The following ICE1 variants were observed in gnomAD, a reference collection of about 807,000 sequenced individuals.
ICE1 encodes the protein interactor of little elongation complex ELL subunit 1, also known as little elongation complex subunit 1.
In ICE1, 64 loss-of-function variants were observed where a neutral mutation model predicts 192.7. That is an observed-to-expected ratio of 0.33 (90% CI 0.27 to 0.41). The LOEUF (loss-of-function observed/expected upper bound fraction) is 0.41, where lower values mean the gene tolerates loss of function less well. Ranked by LOEUF, ICE1 falls within the 10% of genes least tolerant of loss-of-function variation. The probability of loss-of-function intolerance (pLI) is 1.00; values close to 1 mark genes in which losing one functional copy is unlikely to be tolerated. For missense variants in ICE1, 2,708 were observed against 2,696.0 expected, an observed-to-expected ratio of 1.00 and a Z score of -0.10; for synonymous variants, 1,010 against 984.5, an observed-to-expected ratio of 1.03 and a Z score of -0.49.
chr5:5,488,936 G>C (rs906776486), intron 18 of ICE1, among the ~76,000 whole-genome samples: 6 of 152,122 alleles, frequency 3.9e-5, no homozygotes, highest in Admixed American at 2.0e-4. Context: ...GCTGGGGCCA[G>C]GAAACTACAG....
rs141543804 is a variant in ICE1 at position 5,476,152 on chromosome 5, A to G, written c.6520+73A>G. 30 of 755,302 alleles carry G rather than the reference A, an allele frequency of 4.0e-5. No individual in the cohort carries two copies. In the South Asian group the frequency reaches 4.0e-4, roughly 10 times the overall value. 46.8% of individuals were successfully genotyped at this position (755,302 alleles called of 1,614,324 possible). On this transcript the variant is annotated intron_variant, in intron 17 of 18. Coordinates refer to ENST00000296564, the MANE Select transcript of ICE1 (RefSeq NM_015325.3). The stretch of plus-strand genomic sequence containing the variant: ...GGTGGAAGGCTGGGGGGTTAACTGT[A>G]TAATAAAATATGCTGACTTTGAAAA...
chr5:5,480,050 A>G (rs573972892), intron 17 of ICE1, among the ~76,000 whole-genome samples: 61 of 152,252 alleles, frequency 4.0e-4, no homozygotes, highest in African/African-American at 1.2e-3. Flanking sequence ...TACCTATGTA[A>G]CAAACCTGTA....
intron 14 of ICE1, among the ~76,000 whole-genome samples, chr5:5,468,109 C>T (rs1382365171): frequency 2.0e-5 from 3 of 152,180 alleles, no homozygotes; most frequent in Non-Finnish European, 2.9e-5. Context: ...TGCAACAACA[C>T]GGATGAATGT....
chr5:5,481,528 G>A (rs538538142), intron 17 of ICE1, among the ~76,000 whole-genome samples: 1 of 152,290 alleles, frequency 6.6e-6, no homozygotes, highest in South Asian at 2.1e-4. Context: ...CAAATTGCCA[G>A]AGAAGCTTCT....
At chr5:5,480,158 A>G (rs1242065253) in intron 17 of ICE1, among the ~76,000 whole-genome samples, 2 of 152,198 alleles carry the variant, frequency 1.3e-5, no homozygotes, top group Non-Finnish European at 1.5e-5. Flanking sequence ...CCTGGGGAAT[A>G]TAAAACAAGC....
rs1446329919 is a variant in ICE1, at chr5:5,486,827, T to C, written c.6619+8T>C. 86 of 1,561,074 alleles carry C rather than the reference T, an allele frequency of 5.5e-5. No individual in the cohort carries two copies. The highest frequency in any genetic ancestry group is 7.5e-5 in the Non-Finnish European group (86 of 1,145,868). ...AGCATGCTCACGATGAAGGTAAAAC[T>C]TACATCTATTAAAATTACTTTTAAG... On this transcript the variant is annotated splice_region_variant and intron_variant, in intron 18 of 18. Transcript: ENST00000296564.
intron 15 of ICE1, among the ~76,000 whole-genome samples, chr5:5,469,459 T>C (rs1004383124): frequency 6.6e-6 from 1 of 152,204 alleles, no homozygotes; most frequent in East Asian, 1.9e-4. Flanking sequence ...TTTTCAGTTA[T>C]TGATATGTTA....
chr5:5,472,830 T>G (rs1739201002), intron 15 of ICE1, among the ~76,000 whole-genome samples: 1 of 152,214 alleles, frequency 6.6e-6, no homozygotes, highest in Non-Finnish European at 1.5e-5. Context: ...GCATGACTAC[T>G]TTGCAAAATT....
In ICE1 at chr5:5,464,266, A is replaced by G. The variant is rs1481609884; in HGVS notation, c.4932A>G (p.Pro1644=). 2 of 1,613,392 alleles carry G rather than the reference A, an allele frequency of 1.2e-6. No individual in the cohort carries two copies. The highest frequency in any genetic ancestry group is 3.3e-5 in the Admixed American group (2 of 59,954). Residue 1644 remains proline, a synonymous_variant, in exon 13 of 19, where the codon CCA becomes CCG. Transcript: ENST00000296564. This position sits in a 1 kb window ranked among gnomAD's most constrained non-coding sequence, Gnocchi z 4.0. ...PLLAPLIATP[P]RTSQPLSPLI... ...TTGCTCCTCTGATAGCTACACCTCCAAGGACTTCACAGCCACTGTCTCCAC... is the reference window on the plus strand; with the variant it reads ...TTGCTCCTCTGATAGCTACACCTCCGAGGACTTCACAGCCACTGTCTCCAC...
At chr5:5,458,099 G>A (rs182357134) in intron 12 of ICE1, among the ~76,000 whole-genome samples, 5 of 152,290 alleles carry the variant, frequency 3.3e-5, no homozygotes, top group Admixed American at 3.3e-4. Flanking sequence ...GAAAATCCAT[G>A]TATATAGCAT....
chr5:5,474,939 C>T (rs1277245058), intron 16 of ICE1, among the ~76,000 whole-genome samples: 1 of 152,304 alleles, frequency 6.6e-6, no homozygotes, highest in East Asian at 1.9e-4. Context: ...TATATTAAAA[C>T]ACATAGCTAT....
At chr5:5,473,491 G>A in intron 15 of ICE1, 67 bp from the exon 16 acceptor site, 14 of 1,351,938 alleles carry the variant, frequency 1.0e-5, no homozygotes, top group Non-Finnish European at 1.4e-5. Flanking sequence ...TAGTCTTTTA[G>A]ATAACTAAGG....
intron 10 of ICE1, among the ~76,000 whole-genome samples, chr5:5,452,775 T>C (rs890554481): frequency 1.3e-5 from 2 of 152,142 alleles, no homozygotes; most frequent in Admixed American, 6.6e-5. Context: ...TAAAGAAGTG[T>C]GGTATGGATA....
At chr5:5,450,541 A>G (rs1017920218) in intron 10 of ICE1, among the ~76,000 whole-genome samples, 1 of 152,196 alleles carries the variant, frequency 6.6e-6, no homozygotes, top group African/African-American at 2.4e-5. Context: ...TTTCCTGAGC[A>G]GAGAACACAT....
chr5:5,480,474 T>G (rs756760340), intron 17 of ICE1, among the ~76,000 whole-genome samples: 12 of 152,222 alleles, frequency 7.9e-5, no homozygotes, highest in Non-Finnish European at 1.2e-4. Context: ...GGTCTCGATC[T>G]CCTGACCTCG....
chr5:5,470,135 G>T (rs1159050694), intron 15 of ICE1, among the ~76,000 whole-genome samples: 2 of 152,052 alleles, frequency 1.3e-5, no homozygotes, highest in Non-Finnish European at 2.9e-5. Context: ...AGAGTTAACT[G>T]TTCCCAGAGG....
chr5:5,440,594 TATAATA>T (rs1738014514), intron 4 of ICE1, among the ~76,000 whole-genome samples: 1 of 152,210 alleles, frequency 6.6e-6, no homozygotes, highest in South Asian at 2.1e-4. Context: ...GAGGCCAAAT[TATAATA>T]GTAATAGTAC....
chr5:5,464,728 G>A lies in ICE1; in HGVS notation c.5394G>A (p.Thr1798=), dbSNP rs371200707. The change falls in exon 13 of 19, where the codon ACG becomes ACA. Residue 1798 remains threonine, a synonymous_variant. Coordinates refer to ENST00000296564, the MANE Select transcript of ICE1 (RefSeq NM_015325.3). The surrounding 1 kb of genome is among the most constrained non-coding windows in gnomAD (Gnocchi z 4.0). ...CCAGTGCTATGATAGGATTCAAAAC[G>A]ATCACTTCAGCAGCAACTGCTTTTG... ...GPASAMIGFK[T]ITSAATAFVK... 7.4e-6 allele frequency: 12 copies of A among 1,613,776 alleles called. No homozygotes were observed. The African/African-American group carries it at 1.2e-4, about 16-fold the overall frequency.
intron 1 of ICE1, among the ~76,000 whole-genome samples, chr5:5,428,651 A>G (rs940040306): frequency 6.6e-6 from 1 of 152,180 alleles, no homozygotes; most frequent in Non-Finnish European, 1.5e-5. Context: ...AACGTTTTCC[A>G]ACATAATTAC....
Sources: gnomAD v4.1 joint callset for allele counts (sites outside exome capture counted in the v4.1 genomes callset) on GRCh38, gnomAD v4.1.1 for gene constraint, Gnocchi (gnomAD v3.1) non-coding constraint, MANE v1.5 for transcripts, NCBI Gene and HGNC (gene_info 2026-07-23, HGNC 2026-07-21) for gene names.